Variants in DIP2A observed in about 807,000 individuals in gnomAD.
The protein encoded by DIP2A is disco-interacting protein 2 homolog A.
In DIP2A, 85 loss-of-function variants were observed where a neutral mutation model predicts 177.4. The ratio of observed to expected loss-of-function variants is 0.48; its 90% confidence interval spans 0.40 to 0.57. DIP2A has a LOEUF of 0.57. DIP2A is among the 20% of genes least tolerant of loss of function. The pLI, the probability that DIP2A is intolerant of heterozygous loss-of-function variation, is 0.00. For missense variants in DIP2A, 1,791 were observed against 2,100.2 expected (o/e 0.85, Z 2.88); for synonymous variants, 886 against 881.8 (o/e 1.00, Z -0.08).
intron 2 of DIP2A, among the ~76,000 whole-genome samples, chr21:46,486,096 T>TAAAAAAAAA (rs1568947068): frequency 1.1e-5 from 1 of 87,052 alleles, no homozygotes; most frequent in Non-Finnish European, 2.0e-5. Context: ...AAAAAAGAAC[T>TAAAAAAAAA]AAAGAACTAG....
the DIP2A span, among the ~76,000 whole-genome samples, chr21:46,575,877 T>G: frequency 6.6e-6 from 1 of 152,210 alleles, no homozygotes; most frequent in Admixed American, 6.5e-5. Flanking sequence ...AATTATGGTT[T>G]TTGCAGAAAG....
chr21:46,525,903 A>C (rs1378280785), intron 8 of DIP2A, among the ~76,000 whole-genome samples: 1 of 140,924 alleles, frequency 7.1e-6, no homozygotes, highest in African/African-American at 2.6e-5. Flanking sequence ...TATTATTATT[A>C]TTATTATTAT....
At chr21:46,474,459 G>T (rs1211651504) in intron 1 of DIP2A, among the ~76,000 whole-genome samples, 1 of 152,232 alleles carries the variant, frequency 6.6e-6, no homozygotes, top group Non-Finnish European at 1.5e-5. Flanking sequence ...GAAAGGCAGA[G>T]AAGGGAGAGA....
intron 2 of DIP2A, among the ~76,000 whole-genome samples, chr21:46,488,788 G>A (rs1337740871): frequency 6.6e-6 from 1 of 152,150 alleles, no homozygotes; most frequent in African/African-American, 2.4e-5. Flanking sequence ...TATCTGTTAA[G>A]TTAAAAATAT....
intron 3 of DIP2A, among the ~76,000 whole-genome samples, chr21:46,495,802 G>A (rs1384931077): frequency 2.0e-5 from 3 of 151,912 alleles, no homozygotes; most frequent in South Asian, 2.1e-4. Flanking sequence ...GGCCAGGTGC[G>A]GTGGCTTACA....
intron 32 of DIP2A, chr21:46,558,608 C>A (rs1437864942): frequency 1.9e-5 from 11 of 592,244 alleles, no homozygotes; most frequent in East Asian, 5.8e-5. Context: ...GGAAAAAAAA[C>A]ACATTGTTTT....
At chr21:46,511,277 T>C (rs1601595174) in intron 7 of DIP2A, 140 bp from the exon 8 acceptor site, 2 of 893,732 alleles carry the variant, frequency 2.2e-6, no homozygotes, top group Non-Finnish European at 3.3e-6. Flanking sequence ...GTGACTGTGA[T>C]GCAAAAATCG....
intron 20 of DIP2A, chr21:46,546,177 CG>C: frequency 7.5e-7 from 1 of 1,328,376 alleles, no homozygotes; most frequent in Non-Finnish European, 9.6e-7. Context: ...AGGCCTGAGT[CG>C]GGGGTCCCCG....
chr21:46,465,396 C>T (rs765642396), intron 1 of DIP2A, among the ~76,000 whole-genome samples: 10 of 148,368 alleles, frequency 6.7e-5, no homozygotes, highest in Admixed American at 6.7e-5. Flanking sequence ...GACAAAACCC[C>T]GTTGCTACTA....
rs369239925 is a variant in DIP2A at position 46,557,769 on chromosome 21, C to T, written c.3798+16C>T. The T allele has an allele frequency of 5.4e-5, 87 of 1,596,554 alleles. No homozygotes were observed. The highest frequency in any genetic ancestry group is 2.3e-4 in the African/African-American group (17 of 74,730). On this transcript the variant is annotated intron_variant, in intron 31 of 37. Transcript: ENST00000417564. The surrounding 1 kb of genome is among the most constrained non-coding windows in gnomAD (Gnocchi z 6.0). ...TGTCCTCAGGGTGAGTGCCCAGACC[C>T]GGGCTTCTGAGTGTGCTGCAGACCA...
Position 46,537,606 on chromosome 21 carries a change from G to C in DIP2A, c.1801+67G>C. ...AAATCTCTTTGAACTGACCTTTGGT[G>C]CTTAAGAAAAAATAAAGCTGACATG... On this transcript the variant is annotated intron_variant, in intron 15 of 37. Coordinates refer to ENST00000417564, the MANE Select transcript of DIP2A (RefSeq NM_015151.4). The surrounding 1 kb of genome is among the most constrained non-coding windows in gnomAD (Gnocchi z 4.1). The C allele has an allele frequency of 6.7e-7, 1 of 1,485,392 alleles. No individual in the cohort carries two copies. The highest frequency in any genetic ancestry group is 1.2e-5 in the South Asian group (1 of 84,700). The allele number at this position is 1,485,392 out of a possible 1,614,324, so 92.0% of individuals were successfully genotyped here.
At chr21:46,492,093 A>C (rs1250419286) in intron 3 of DIP2A, among the ~76,000 whole-genome samples, 1 of 151,984 alleles carries the variant, frequency 6.6e-6, no homozygotes, top group Non-Finnish European at 1.5e-5. Context: ...TTCTTGTACA[A>C]GTTTTGTAGT....
intron 2 of DIP2A, among the ~76,000 whole-genome samples, chr21:46,489,686 G>C (rs944376315): frequency 1.3e-5 from 2 of 152,200 alleles, no homozygotes; most frequent in African/African-American, 4.8e-5. Context: ...GGAGCCAGCG[G>C]GACTGCAATT....
intron 8 of DIP2A, among the ~76,000 whole-genome samples, chr21:46,524,807 A>G (rs1455040163): frequency 6.7e-6 from 1 of 149,934 alleles, no homozygotes; most frequent in Non-Finnish European, 1.5e-5. Context: ...CTTTCCACTA[A>G]TGGTAGCTTA....
chr21:46,556,252 A>C lies in DIP2A; in HGVS notation c.3498+161A>C. ...TTGTGTTAAATACCAATAAATGCTA[A>C]GATGTGATTAGCCTGAGAGTAATGC... On this transcript the variant is annotated intron_variant, in intron 29 of 37. Coordinates refer to ENST00000417564, the MANE Select transcript of DIP2A (RefSeq NM_015151.4). The surrounding 1 kb of genome is among the most constrained non-coding windows in gnomAD (Gnocchi z 4.5). The C allele has an allele frequency of 7.0e-7, 1 of 1,433,626 alleles. No individual in the cohort carries two copies. Among genetic ancestry groups the C allele is most frequent in the Non-Finnish European group, 9.6e-7 (1 of 1,042,438 alleles). 88.8% of individuals were successfully genotyped at this position (1,433,626 alleles called of 1,614,324 possible).
In DIP2A at chr21:46,545,871, C is replaced by T; in HGVS notation, c.2314-10C>T. 6.2e-7 allele frequency: 1 copy of T among 1,613,194 alleles called. No individual in the cohort carries two copies. The highest frequency in any genetic ancestry group is 8.5e-7 in the Non-Finnish European group (1 of 1,179,338). ...CACAGCCTGATCGTGCCCCTCTCCA[C>T]TTTGTGCAGGCAGTTCCGGTCACCA... On this transcript the variant is annotated splice_polypyrimidine_tract_variant and intron_variant, in intron 19 of 37. Coordinates refer to ENST00000417564, the MANE Select transcript of DIP2A (RefSeq NM_015151.4).
At chr21:46,482,236 A>G (rs542358467) in intron 1 of DIP2A, among the ~76,000 whole-genome samples, 1 of 152,352 alleles carries the variant, frequency 6.6e-6, no homozygotes, top group African/African-American at 2.4e-5. Flanking sequence ...AGGGAGTACT[A>G]TGAACAACTG....
At chr21:46,478,922 A>G (rs534806860) in intron 1 of DIP2A, among the ~76,000 whole-genome samples, 22 of 152,346 alleles carry the variant, frequency 1.4e-4, no homozygotes, top group African/African-American at 4.8e-4. Context: ...GACATTGTCT[A>G]TATAGTGATC....
At chr21:46,473,950 TTTGA>T (rs2055623556) in intron 1 of DIP2A, among the ~76,000 whole-genome samples, 1 of 152,214 alleles carries the variant, frequency 6.6e-6, no homozygotes, top group South Asian at 2.1e-4. Context: ...TGTCTCCCTC[TTTGA>T]TTTAGAAAGA....
Sources: gnomAD v4.1 joint callset for allele counts (sites outside exome capture counted in the v4.1 genomes callset) on GRCh38, gnomAD v4.1.1 for gene constraint, Gnocchi (gnomAD v3.1) non-coding constraint, MANE v1.5 for transcripts, NCBI Gene and HGNC (gene_info 2026-07-23, HGNC 2026-07-21) for gene names.